The following NFIB variants were observed in gnomAD, a reference collection of about 807,000 sequenced individuals.
The protein encoded by NFIB is nuclear factor I B.
A neutral mutation model predicts 61.5 loss-of-function variants in NFIB; 11 were observed. The observed-to-expected ratio is 0.18, with a 90% CI of 0.11 to 0.30. The LOEUF is 0.30. Ranked by LOEUF, NFIB falls within the 10% of genes least tolerant of loss-of-function variation. The pLI, the probability that NFIB is intolerant of heterozygous loss-of-function variation, is 1.00. For missense variants in NFIB, 471 were observed against 608.9 expected, an observed-to-expected ratio of 0.77 and a Z score of 2.38; for synonymous variants, 260 against 216.5, an observed-to-expected ratio of 1.20 and a Z score of -1.76.
chr9:14,221,477 A>G (rs1754889625), intron 2 of NFIB, among the ~76,000 whole-genome samples: 1 of 152,200 alleles, frequency 6.6e-6, no homozygotes, highest in South Asian at 2.1e-4. Context: ...ACAGTTAGAA[A>G]AACTGAGGCT....
chr9:14,416,957 A>T, the NFIB span, among the ~76,000 whole-genome samples: 6 of 146,432 alleles, frequency 4.1e-5, no homozygotes, highest in African/African-American at 1.3e-4. Context: ...CAATGGCATG[A>T]TCTCAGCTCA....
At chr9:14,508,922 A>G in the NFIB span, among the ~76,000 whole-genome samples, 1 of 152,254 alleles carries the variant, frequency 6.6e-6, no homozygotes, top group Non-Finnish European at 1.5e-5. Flanking sequence ...CATCCTGAAT[A>G]TAACAATATA....
At chr9:14,114,199 A>ATT (rs2037796985) in intron 9 of NFIB, among the ~76,000 whole-genome samples, 1 of 152,202 alleles carries the variant, frequency 6.6e-6, no homozygotes, top group Admixed American at 6.5e-5. Context: ...TTTTAAAAAC[A>ATT]GTGAAGATGC....
intron 2 of NFIB, among the ~76,000 whole-genome samples, chr9:14,230,888 C>T (rs2053048492): frequency 6.6e-6 from 1 of 151,844 alleles, no homozygotes; most frequent in East Asian, 1.9e-4. Context: ...CCCTGGAAAG[C>T]CCAGCTTGGA....
At chr9:14,441,481 A>C in the NFIB span, among the ~76,000 whole-genome samples, 1 of 152,204 alleles carries the variant, frequency 6.6e-6, no homozygotes, top group Non-Finnish European at 1.5e-5. Flanking sequence ...GTGATTTTTA[A>C]AGTTCAAAGC....
At chr9:14,480,028 G>A in the NFIB span, among the ~76,000 whole-genome samples, 1 of 151,028 alleles carries the variant, frequency 6.6e-6, no homozygotes, top group African/African-American at 2.4e-5. Context: ...AGACAGAAAG[G>A]TTTTTTTTTG....
upstream of NFIB, among the ~76,000 whole-genome samples, chr9:14,315,618 C>T: frequency 6.8e-6 from 1 of 147,832 alleles, no homozygotes; most frequent in Non-Finnish European, 1.5e-5. Context: ...GGCGCCCGCG[C>T]CGGCTCCCCA....
chr9:14,512,327 T>C, the NFIB span, among the ~76,000 whole-genome samples: 1 of 152,166 alleles, frequency 6.6e-6, no homozygotes, highest in Non-Finnish European at 1.5e-5. Context: ...TTGAGGAGTA[T>C]TTTTAGATTT....
chr9:14,321,010 CAGA>C (rs2060647077), intron 1 of NFIB, among the ~76,000 whole-genome samples: 1 of 152,020 alleles, frequency 6.6e-6, no homozygotes, highest in African/African-American at 2.4e-5. Context: ...CCAACCCGAG[CAGA>C]AGATGGCCAT....
intron 2 of NFIB, among the ~76,000 whole-genome samples, chr9:14,299,818 T>C (rs1473689554): frequency 6.6e-6 from 1 of 152,236 alleles, no homozygotes; most frequent in African/African-American, 2.4e-5. Context: ...GTTATGCATG[T>C]AATCATCTGC....
intron 1 of NFIB, among the ~76,000 whole-genome samples, chr9:14,352,705 ATC>A (rs2061128293): frequency 6.6e-6 from 1 of 152,232 alleles, no homozygotes; most frequent in African/African-American, 2.4e-5. Flanking sequence ...TTCACTGCTT[ATC>A]TCTCAGCGTT....
chr9:14,408,722 T>C, the NFIB span, among the ~76,000 whole-genome samples: 32 of 152,232 alleles, frequency 2.1e-4, no homozygotes, highest in Admixed American at 6.5e-4. Flanking sequence ...TAAGAAAAAA[T>C]TACAATAGAA....
chr9:14,505,314 T>C, the NFIB span, among the ~76,000 whole-genome samples: 1 of 152,190 alleles, frequency 6.6e-6, no homozygotes, highest in African/African-American at 2.4e-5. Flanking sequence ...TCTGTAGTTT[T>C]CTTTTTTTGT....
intron 5 of NFIB, among the ~76,000 whole-genome samples, chr9:14,148,534 C>T (rs543031778): frequency 2.2e-3 from 333 of 152,234 alleles, no homozygotes; most frequent in Non-Finnish European, 3.3e-3. Flanking sequence ...AGGATTTCAG[C>T]ATTGAAATTG....
At chr9:14,362,128 G>A (rs1022347464) in intron 1 of NFIB, 1 of 152,172 alleles carries the variant, frequency 6.6e-6, no homozygotes, top group Non-Finnish European at 1.5e-5. Flanking sequence ...TAATTAAGTA[G>A]TTCTGTGGCT....
intron 1 of NFIB, among the ~76,000 whole-genome samples, chr9:14,341,594 G>A (rs2060951397): frequency 2.0e-5 from 3 of 152,236 alleles, no homozygotes; most frequent in Non-Finnish European, 2.9e-5. Flanking sequence ...CCAAGGCTCC[G>A]ATAAAACAGG....
intron 3 of NFIB, among the ~76,000 whole-genome samples, chr9:14,165,008 A>G (rs1447537253): frequency 1.3e-5 from 2 of 152,162 alleles, no homozygotes; most frequent in African/African-American, 4.8e-5. Flanking sequence ...AGTGAAGAAG[A>G]ATAGGCTCTA....
chr9:14,391,333 C>G (rs1484133056), intron 1 of NFIB, among the ~76,000 whole-genome samples: 1 of 6,208 alleles, frequency 1.6e-4, no homozygotes, highest in Non-Finnish European at 3.2e-4. Flanking sequence ...CAGGAGATGC[C>G]CCCCCCCCAC....
chr9:14,472,644 A>G, the NFIB span, among the ~76,000 whole-genome samples: 3 of 152,088 alleles, frequency 2.0e-5, no homozygotes, highest in Admixed American at 6.6e-5. Flanking sequence ...GACTGAAACC[A>G]TCCTGGCTAA....
Sources: gnomAD v4.1 joint callset for allele counts (sites outside exome capture counted in the v4.1 genomes callset) on GRCh38, gnomAD v4.1.1 for gene constraint, MANE v1.5 for transcripts, NCBI Gene and HGNC (gene_info 2026-07-23, HGNC 2026-07-21) for gene names.